KATNAL1: variants seen among roughly 807,000 people sequenced by gnomAD.
KATNAL1 encodes katanin catalytic subunit A1 like 1, also known as katanin p60 ATPase-containing subunit A-like 1.
KATNAL1 carries 32 observed loss-of-function variants against 55.2 expected under a neutral mutation model. That is an observed-to-expected ratio of 0.58 (90% CI 0.44 to 0.78). KATNAL1 has a LOEUF of 0.78. Ranked by LOEUF, KATNAL1 falls within the 30% of genes least tolerant of loss-of-function variation. The probability of loss-of-function intolerance (pLI) is 0.00; values close to 1 mark genes in which losing one functional copy is unlikely to be tolerated. For synonymous variants in KATNAL1, 193 were observed against 193.6 expected (o/e 1.00, Z 0.02); for missense variants, 466 against 600.9 (o/e 0.78, Z 2.35).
Position 30,241,089 on chromosome 13 carries a change from G to GT in KATNAL1, c.493-4_493-3insA. On this transcript the variant is annotated splice_polypyrimidine_tract_variant and splice_region_variant and intron_variant, in intron 4 of 10. Coordinates refer to ENST00000380615, the MANE Select transcript of KATNAL1 (RefSeq NM_032116.5). ...CCATCTTGCATATTCTTCCTTCCCT[G>GT]GGGATAGGTATAAAAAAAAAGTACT... 6.2e-7 allele frequency: 1 copy of GT among 1,610,694 alleles called. No individual in the cohort carries two copies. The highest frequency in any genetic ancestry group is 8.5e-7 in the Non-Finnish European group (1 of 1,179,150).
At chr13:30,284,804 T>C (rs1199838624) in intron 1 of KATNAL1, among the ~76,000 whole-genome samples, 1 of 152,216 alleles carries the variant, frequency 6.6e-6, no homozygotes, top group Admixed American at 6.5e-5. Context: ...GTCCAGTAAT[T>C]CTGGCTTTTC....
intron 3 of KATNAL1, among the ~76,000 whole-genome samples, chr13:30,278,719 C>A (rs559677077): frequency 6.6e-6 from 1 of 152,280 alleles, no homozygotes; most frequent in African/African-American, 2.4e-5. Context: ...CAGTAAAAAA[C>A]AAGGTATTTC....
intron 1 of KATNAL1, among the ~76,000 whole-genome samples, chr13:30,304,515 G>C (rs537258063): frequency 6.6e-6 from 1 of 152,032 alleles, no homozygotes; most frequent in Admixed American, 6.5e-5. Flanking sequence ...TGATCTGCCC[G>C]CCTCAGCCTT....
intron 3 of KATNAL1, among the ~76,000 whole-genome samples, chr13:30,257,097 C>A (rs768096116): frequency 6.6e-6 from 1 of 151,940 alleles, no homozygotes; most frequent in Non-Finnish European, 1.5e-5. Context: ...AAAAATGTGA[C>A]GAGTCTGGTA....
At chr13:30,285,295 A>C (rs1289165438) in intron 1 of KATNAL1, among the ~76,000 whole-genome samples, 1 of 149,712 alleles carries the variant, frequency 6.7e-6, no homozygotes, top group African/African-American at 2.5e-5. Context: ...CTGTGTCCCC[A>C]CCCAAATCTC....
At position 30,208,366 on chromosome 13, in the gene KATNAL1, C is replaced by T. The variant is rs954675319; in HGVS notation, c.*174G>A. On this transcript the variant is annotated 3_prime_UTR_variant, in exon 11 of 11. Transcript: ENST00000380615. ...CCGGGGAGGGAGACTAGCAAACTCT[C>T]GCCATCAATTATTTCTCAACTACAT... 12 of 560,908 alleles carry T rather than the reference C, an allele frequency of 2.1e-5. No homozygotes were observed. Among genetic ancestry groups the T allele is most frequent in the African/African-American group, 5.7e-5 (3 of 52,540 alleles). The allele number at this position is 560,908 out of a possible 1,614,324, so 34.7% of individuals were successfully genotyped here. A position where few individuals can be genotyped will look rare whatever the true frequency, so the allele number is the denominator to read the frequency against.
In KATNAL1 at chr13:30,255,588, A is replaced by T. The variant is rs1253901057; in HGVS notation, c.351T>A (p.Asn117Lys). The change falls in exon 4 of 11, where the codon AAT becomes AAA. Residue 117 changes from asparagine to lysine, a missense_variant. Physicochemically the swap from Asn to Lys is moderately conservative, Grantham distance 94. Transcript: ENST00000380615. ...CTTTCCTCAGAGGTCTTACTTCTCG[A>T]TTGGGACGCCTGATCTGAGGTGGAG... is the stretch of plus-strand genomic sequence containing the variant. ...HRAPPQIRRPNREVRPLRKEM... is the reference protein window; with the variant it reads ...HRAPPQIRRPKREVRPLRKEM... The T allele has an allele frequency of 3.9e-6, 6 of 1,539,936 alleles. No homozygotes were observed. The highest frequency in any genetic ancestry group is 1.4e-5 in the African/African-American group (1 of 70,392).
chr13:30,218,042 A>G (rs932291305), intron 9 of KATNAL1, among the ~76,000 whole-genome samples: 4 of 152,080 alleles, frequency 2.6e-5, no homozygotes, highest in Non-Finnish European at 4.4e-5. Flanking sequence ...AAGGGAAGAG[A>G]GAACCTGGGA....
rs185441162 is a variant in KATNAL1, at chr13:30,239,280, C to T, written c.726+1180G>A. 5.3e-3 allele frequency among the ~76,000 whole-genome samples: 806 copies of T among 152,082 alleles called. 8 individuals are homozygous for T. Among genetic ancestry groups the T allele is most frequent in the African/African-American group, 0.018 (764 of 41,476 alleles). ...CAAAAATTAGCTGGGCATGGTGGCA[C>T]GCATCTGTAATTGCAGCTACTCAGG... is the stretch of plus-strand genomic sequence containing the variant. On this transcript the variant is annotated intron_variant, in intron 6 of 10. Coordinates refer to ENST00000380615, the MANE Select transcript of KATNAL1 (RefSeq NM_032116.5).
At chr13:30,249,504 T>C (rs77069679) in intron 4 of KATNAL1, among the ~76,000 whole-genome samples, 1 of 151,894 alleles carries the variant, frequency 6.6e-6, no homozygotes, top group African/African-American at 2.4e-5. Flanking sequence ...AACCCAAATA[T>C]CCATTAATAA....
At chr13:30,281,003 C>T (rs1238935499) in intron 2 of KATNAL1, among the ~76,000 whole-genome samples, 1 of 151,278 alleles carries the variant, frequency 6.6e-6, no homozygotes, top group African/African-American at 2.4e-5. Flanking sequence ...AGTCCTAGTG[C>T]GAGTCTATAG....
chr13:30,231,545 A>G, intron 6 of KATNAL1, 73 bp from the exon 7 acceptor site: 1 of 950,934 alleles, frequency 1.1e-6, no homozygotes. Flanking sequence ...ATCAGCTATT[A>G]ATGTACATTG....
intron 6 of KATNAL1, among the ~76,000 whole-genome samples, chr13:30,239,173 A>ATTACAACTC (rs1876994593): frequency 6.6e-6 from 1 of 152,148 alleles, no homozygotes; most frequent in Admixed American, 6.5e-5. Flanking sequence ...ACTTCGGGAG[A>ATTACAACTC]CCAAGGTGGG....
chr13:30,239,145 T>C (rs80330952), intron 6 of KATNAL1, among the ~76,000 whole-genome samples: 2,850 of 152,274 alleles, frequency 0.019, 37 homozygotes, highest in Non-Finnish European at 0.031. Flanking sequence ...AACAGTGGTT[T>C]ATGCTTGTAA....
intron 9 of KATNAL1, among the ~76,000 whole-genome samples, chr13:30,212,141 A>T (rs1268022612): frequency 6.6e-6 from 1 of 151,522 alleles, no homozygotes; most frequent in African/African-American, 2.4e-5. Context: ...GACCTCAGGG[A>T]AGTATTCTCA....
intron 9 of KATNAL1, among the ~76,000 whole-genome samples, chr13:30,217,947 G>A (rs905172626): frequency 6.6e-6 from 1 of 152,038 alleles, no homozygotes; most frequent in Non-Finnish European, 1.5e-5. Flanking sequence ...AACACCTGGG[G>A]ACACGAGACA....
Position 30,207,995 on chromosome 13 carries a change from G to A in KATNAL1, c.*545C>T, listed in dbSNP as rs879130141. On this transcript the variant is annotated 3_prime_UTR_variant, in exon 11 of 11. Transcript: ENST00000380615. The stretch of plus-strand genomic sequence containing the variant: ...TAGCAGAAGAAATGGCAGGGGTAGC[G>A]GAAGTAAAAATTCTAACCATATGAC... The A allele has an allele frequency of 2.0e-5, 3 of 152,192 alleles. No homozygotes were observed. The highest frequency in any genetic ancestry group is 4.2e-4 in the South Asian group (2 of 4,810). The allele number at this position is 152,192 out of a possible 1,614,324, so 9.4% of individuals were successfully genotyped here.
intron 3 of KATNAL1, among the ~76,000 whole-genome samples, chr13:30,257,401 G>A (rs1878884735): frequency 6.6e-6 from 1 of 152,082 alleles, no homozygotes; most frequent in South Asian, 2.1e-4. Context: ...TTTCTTTGTG[G>A]TCCTGCTTTT....
At chr13:30,225,781 A>G (rs1875407225) in intron 9 of KATNAL1, among the ~76,000 whole-genome samples, 1 of 152,140 alleles carries the variant, frequency 6.6e-6, no homozygotes, top group Middle Eastern at 3.2e-3. Context: ...ATTTCTTAAG[A>G]CACAAAAAGT....
Sources: allele counts gnomAD v4.1 joint callset (sites outside exome capture counted in the v4.1 genomes callset), GRCh38; gene constraint gnomAD v4.1.1; transcripts MANE v1.5; gene names NCBI Gene and HGNC (gene_info 2026-07-23, HGNC 2026-07-21).